Variants in PLIN3 observed in about 807,000 individuals in gnomAD.
PLIN3 encodes perilipin-3.
PLIN3 carries 30 observed loss-of-function variants against 35.9 expected under a neutral mutation model. The ratio of observed to expected loss-of-function variants is 0.84; its 90% CI spans 0.62 to 1.13. PLIN3 has a LOEUF of 1.13. Among genes scored for constraint, PLIN3 ranks in the 50% most tolerant of loss-of-function variants. The probability of loss-of-function intolerance (pLI) is 0.00; values close to 1 mark genes in which losing one functional copy is unlikely to be tolerated. For synonymous variants in PLIN3, 261 were observed against 262.5 expected, an observed-to-expected ratio of 0.99 and a Z score of 0.06; for missense variants, 603 against 596.9, an observed-to-expected ratio of 1.01 and a Z score of -0.11.
chr19:4,842,046 A>G (rs955436886), intron 7 of PLIN3, among the ~76,000 whole-genome samples: 4 of 151,950 alleles, frequency 2.6e-5, no homozygotes, highest in Non-Finnish European at 5.9e-5. Context: ...AGGTCCTTGA[A>G]AATTTCCTTG....
At chr19:4,849,681 C>T (rs1427098789) in intron 5 of PLIN3, among the ~76,000 whole-genome samples, 2 of 151,982 alleles carry the variant, frequency 1.3e-5, no homozygotes, top group Non-Finnish European at 2.9e-5. Context: ...GAGACAGAGT[C>T]TCACTCTGTT....
At chr19:4,860,077 A>G in intron 2 of PLIN3, 53 bp from the exon 3 acceptor site, 4 of 1,544,776 alleles carry the variant, frequency 2.6e-6, no homozygotes, top group Non-Finnish European at 3.6e-6. Context: ...TGGGGAGCTC[A>G]GCCGGAAACT....
chr19:4,842,181 C>T (rs2029912816), intron 7 of PLIN3, among the ~76,000 whole-genome samples: 1 of 151,796 alleles, frequency 6.6e-6, no homozygotes, highest in Non-Finnish European at 1.5e-5. Flanking sequence ...AATCCCAGCA[C>T]TTTGGGGGGC....
At chr19:4,840,906 T>C (rs2029881658) in intron 7 of PLIN3, among the ~76,000 whole-genome samples, 1 of 151,938 alleles carries the variant, frequency 6.6e-6, no homozygotes, top group Admixed American at 6.6e-5. Flanking sequence ...GATCATGCCA[T>C]TGCACTCCAG....
intron 5 of PLIN3, among the ~76,000 whole-genome samples, chr19:4,851,477 A>C (rs12983389): frequency 6.6e-6 from 1 of 151,794 alleles, no homozygotes; most frequent in Non-Finnish European, 1.5e-5. Flanking sequence ...ATAAATAAAT[A>C]AATTAATTAA....
At chr19:4,845,470 A>G (rs775524909) in intron 6 of PLIN3, among the ~76,000 whole-genome samples, 1 of 151,990 alleles carries the variant, frequency 6.6e-6, no homozygotes, top group Non-Finnish European at 1.5e-5. Context: ...TTGTAATGAA[A>G]TATGACTCAG....
At chr19:4,846,685 C>A (rs925600301) in intron 6 of PLIN3, among the ~76,000 whole-genome samples, 1 of 151,736 alleles carries the variant, frequency 6.6e-6, no homozygotes, top group Non-Finnish European at 1.5e-5. Flanking sequence ...GGCAACAGAG[C>A]GAGACTCCGT....
chr19:4,841,789 T>C (rs2029897661), intron 7 of PLIN3, among the ~76,000 whole-genome samples: 3 of 148,786 alleles, frequency 2.0e-5, no homozygotes, highest in Admixed American at 1.4e-4. Context: ...CCTGTAGTCC[T>C]AGTTACTTAG....
At chr19:4,851,026 G>A (rs7255458) in intron 5 of PLIN3, among the ~76,000 whole-genome samples, 132,991 of 152,140 alleles carry the variant, frequency 0.87, 58,176 homozygotes, top group Admixed American at 0.92. Flanking sequence ...TTAGTTGGGC[G>A]TGATGGTGTG....
chr19:4,865,746 C>T (rs2030827441), intron 1 of PLIN3, among the ~76,000 whole-genome samples: 1 of 122,914 alleles, frequency 8.1e-6, no homozygotes, highest in African/African-American at 3.1e-5. Context: ...TTTTTTGAGA[C>T]GGAGTCTCGC....
intron 4 of PLIN3, among the ~76,000 whole-genome samples, chr19:4,855,671 G>C (rs964051575): frequency 6.6e-6 from 1 of 152,064 alleles, no homozygotes; most frequent in African/African-American, 2.4e-5. Flanking sequence ...GCCTCCCAAA[G>C]TGCTGGGATT....
intron 2 of PLIN3, 102 bp downstream of exon 2, chr19:4,861,227 C>G: frequency 1.0e-6 from 1 of 955,124 alleles, no homozygotes. Flanking sequence ...CCGTGAGCTG[C>G]CGGCAGATCC....
At chr19:4,844,440 T>G (rs1269877451) in intron 7 of PLIN3, among the ~76,000 whole-genome samples, 1 of 152,104 alleles carries the variant, frequency 6.6e-6, no homozygotes, top group Non-Finnish European at 1.5e-5. Flanking sequence ...TACTCCAGCC[T>G]GGGTGACAGA....
At chr19:4,851,916 G>T in intron 5 of PLIN3, 100 bp downstream of exon 5, 1 of 1,258,722 alleles carries the variant, frequency 7.9e-7, no homozygotes, top group Non-Finnish European at 1.1e-6. Flanking sequence ...GCAGGGACGA[G>T]GCGGCAGTGA....
At chr19:4,861,297 C>A (rs768001616) in intron 2 of PLIN3, 32 bp downstream of exon 2, 1 of 1,593,646 alleles carries the variant, frequency 6.3e-7, no homozygotes, top group South Asian at 1.1e-5. Context: ...ATCACAGGGT[C>A]GGGGCAGTCC....
intron 4 of PLIN3, among the ~76,000 whole-genome samples, chr19:4,852,896 C>T (rs2030349455): frequency 6.6e-6 from 1 of 151,788 alleles, no homozygotes; most frequent in South Asian, 2.1e-4. Context: ...CTCACTGTAA[C>T]CTCCGCCTCC....
At chr19:4,853,856 G>C (rs1294240741) in intron 4 of PLIN3, among the ~76,000 whole-genome samples, 1 of 151,318 alleles carries the variant, frequency 6.6e-6, no homozygotes, top group Non-Finnish European at 1.5e-5. Context: ...GCTTTGCATG[G>C]AATCCTTTGA....
chr19:4,852,112 G>A lies in PLIN3; in HGVS notation c.538C>T (p.Arg180Cys), dbSNP rs776165539. 36 of 1,613,860 alleles carry A rather than the reference G, an allele frequency of 2.2e-5. No individual in the cohort carries two copies. The highest frequency in any genetic ancestry group is 3.3e-5 in the South Asian group (3 of 91,084). Residue 180 changes from arginine (R) to cysteine (C), a missense_variant, in exon 5 of 8, where the codon CGC becomes TGC. Coordinates refer to ENST00000221957, the MANE Select transcript of PLIN3 (RefSeq NM_005817.5). The stretch of plus-strand genomic sequence containing the variant: ...CCACTCAACACCATCTGGCCCAAGC[G>A]GGAGCCCATGACCGATTGGACGCCG... ...TGGVQSVMGS[R>C]LGQMVLSGVD...
At chr19:4,865,715 CA>C (rs1381825411) in intron 1 of PLIN3, among the ~76,000 whole-genome samples, 5 of 147,238 alleles carry the variant, frequency 3.4e-5, no homozygotes, top group Non-Finnish European at 6.0e-5. Flanking sequence ...GGGTTCTTTC[CA>C]TTTTTTTTTT....
Sources: gnomAD v4.1 joint callset for allele counts (sites outside exome capture counted in the v4.1 genomes callset) on GRCh38, gnomAD v4.1.1 for gene constraint, MANE v1.5 for transcripts, NCBI Gene and HGNC (gene_info 2026-07-23, HGNC 2026-07-21) for gene names.